Variants in GNG7 observed in about 807,000 individuals in gnomAD.
The protein encoded by GNG7 is G protein subunit gamma 7.
Under a neutral mutation model 4.0 loss-of-function variants are expected in GNG7, and 1 was observed. The observed-to-expected ratio is 0.25, with a 90% CI of 0.09 to 1.18. The LOEUF (loss-of-function observed/expected upper bound fraction) is 1.18, where lower values mean the gene tolerates loss of function less well. GNG7 is among the 50% of genes most tolerant of loss of function. GNG7 has a pLI of 0.50. For missense variants in GNG7, 86 were observed against 91.9 expected, an observed-to-expected ratio of 0.94 and a Z score of 0.26; for synonymous variants, 34 against 36.9, an observed-to-expected ratio of 0.92 and a Z score of 0.29.
At chr19:2,603,912 G>A (rs1484129659) in intron 2 of GNG7, among the ~76,000 whole-genome samples, 1 of 151,850 alleles carries the variant, frequency 6.6e-6, no homozygotes, top group Non-Finnish European at 1.5e-5. Context: ...GTGCAGTGGT[G>A]CAATCTCGGC....
chr19:2,537,138 A>T (rs1372515349), intron 3 of GNG7, among the ~76,000 whole-genome samples: 1 of 146,750 alleles, frequency 6.8e-6, no homozygotes, highest in Non-Finnish European at 1.5e-5. Context: ...TTTAGTAGAG[A>T]CGGGGTTTCA....
chr19:2,623,450 C>T (rs2144834916), intron 2 of GNG7, among the ~76,000 whole-genome samples: 1 of 152,318 alleles, frequency 6.6e-6, no homozygotes, highest in Non-Finnish European at 1.5e-5. Context: ...CGTCCATCAA[C>T]AGATGGACAG....
intron 1 of GNG7, among the ~76,000 whole-genome samples, chr19:2,661,295 A>AAAGG (rs1983156337): frequency 2.2e-5 from 1 of 45,948 alleles, no homozygotes; most frequent in African/African-American, 1.2e-4. Context: ...AGAAAGAAAG[A>AAAGG]AAGAAAGAGA....
At chr19:2,648,563 G>A (rs532088314) in intron 1 of GNG7, among the ~76,000 whole-genome samples, 4 of 152,332 alleles carry the variant, frequency 2.6e-5, no homozygotes, top group African/African-American at 7.2e-5. Flanking sequence ...GCTAGTTTCC[G>A]TTCTACGAGC....
intron 2 of GNG7, among the ~76,000 whole-genome samples, chr19:2,571,191 G>A (rs1477982131): frequency 1.3e-5 from 2 of 152,098 alleles, no homozygotes; most frequent in Non-Finnish European, 2.9e-5. Context: ...GAAGCCTGAC[G>A]ACGCCCAGTG....
chr19:2,588,835 C>T (rs1980755140), intron 2 of GNG7, among the ~76,000 whole-genome samples: 1 of 152,150 alleles, frequency 6.6e-6, no homozygotes, highest in Admixed American at 6.5e-5. Context: ...TCCCCGACTC[C>T]CTTGCTTTGT....
intron 3 of GNG7, among the ~76,000 whole-genome samples, chr19:2,543,828 C>CG (rs1015251120): frequency 8.6e-5 from 13 of 152,036 alleles, no homozygotes; most frequent in Admixed American, 7.9e-4. Flanking sequence ...GAGTCAGCCC[C>CG]GGGGGAAGGT....
At chr19:2,540,511 G>T (rs1978924822) in intron 3 of GNG7, among the ~76,000 whole-genome samples, 1 of 152,210 alleles carries the variant, frequency 6.6e-6, no homozygotes, top group African/African-American at 2.4e-5. Flanking sequence ...AGCCTGTGCA[G>T]AGGGTGGGTG....
chr19:2,686,280 C>T (rs900864977), intron 1 of GNG7, among the ~76,000 whole-genome samples: 1 of 152,124 alleles, frequency 6.6e-6, no homozygotes, highest in African/African-American at 2.4e-5. Flanking sequence ...GCCTCAGCCT[C>T]CCGAGTAGCT....
chr19:2,528,269 TAA>T (rs59084924), intron 3 of GNG7, among the ~76,000 whole-genome samples: 11 of 78,834 alleles, frequency 1.4e-4, no homozygotes, highest in African/African-American at 3.7e-4. Flanking sequence ...AGACCCTGTC[TAA>T]AAAAAAAAAA....
At chr19:2,542,107 C>CTTTTTTTT (rs1175526574) in intron 3 of GNG7, among the ~76,000 whole-genome samples, 6 of 64,570 alleles carry the variant, frequency 9.3e-5, no homozygotes, top group Non-Finnish European at 1.7e-4. Flanking sequence ...GCTGTGTGTT[C>CTTTTTTTT]TTTTTTTTTT....
chr19:2,527,039 T>G (rs1244017173), intron 3 of GNG7, among the ~76,000 whole-genome samples: 1 of 152,040 alleles, frequency 6.6e-6, no homozygotes, highest in African/African-American at 2.4e-5. Flanking sequence ...AGAGACGGGG[T>G]TTCACCATGT....
chr19:2,568,771 CATAA>C lies in GNG7; in HGVS notation c.-77-13587_-77-13584del, dbSNP rs201270140. ...ACACATACACACATACACATATACA[CATAA>C]ATACACATACACACATATACACGCA... On this transcript the variant is annotated intron_variant, in intron 2 of 4. Coordinates refer to ENST00000382159, the MANE Select transcript of GNG7 (RefSeq NM_052847.3). Among the ~76,000 whole-genome samples, 8 of 148,400 alleles carry C rather than the reference CATAA, an allele frequency of 5.4e-5. No homozygotes were observed. The East Asian group carries it at 1.2e-3, about 21-fold the overall frequency.
intron 1 of GNG7, among the ~76,000 whole-genome samples, chr19:2,700,243 G>A (rs1404652804): frequency 6.6e-6 from 1 of 151,608 alleles, no homozygotes; most frequent in Non-Finnish European, 1.5e-5. Flanking sequence ...CTGGGTTCAA[G>A]CGATTCTCCT....
At chr19:2,534,129 G>GA (rs1472620137) in intron 3 of GNG7, among the ~76,000 whole-genome samples, 1 of 152,154 alleles carries the variant, frequency 6.6e-6, no homozygotes, top group South Asian at 2.1e-4. Flanking sequence ...GTCAGCATCT[G>GA]AAAAAATATA....
Position 2,531,072 on chromosome 19 carries a change from G to A in GNG7, c.-37-10347C>T, listed in dbSNP as rs780431327. On this transcript the variant is annotated intron_variant, in intron 3 of 4. Transcript: ENST00000382159. Reference sequence around the variant, plus strand: ...TGGAATCCCAGCACTTTGGGAGACCGAGGCAGGTGGATGACCTGAGGTCGG... The same window carrying A: ...TGGAATCCCAGCACTTTGGGAGACCAAGGCAGGTGGATGACCTGAGGTCGG... 1.1e-4 allele frequency among the ~76,000 whole-genome samples: 16 copies of A among 152,156 alleles called. 1 individual carries two copies. Among genetic ancestry groups the A allele is most frequent in the East Asian group, 5.8e-4 (3 of 5,152 alleles).
intron 2 of GNG7, among the ~76,000 whole-genome samples, chr19:2,606,949 C>T (rs898094102): frequency 1.1e-4 from 17 of 150,636 alleles, no homozygotes; most frequent in Admixed American, 4.0e-4. Context: ...GGCCGGGCAC[C>T]GTGGCTCATG....
rs745799326 is a variant in GNG7 at position 2,682,655 on chromosome 19, C to CA, written c.-135+19990dup. Among the ~76,000 whole-genome samples the CA allele has an allele frequency of 8.8e-3, 566 of 64,084 alleles. 9 individuals carry two copies. The highest frequency in any genetic ancestry group is 0.019 in the African/African-American group (260 of 13,570). The allele number at this position is 64,084 out of a possible 152,430, so 42.0% of individuals were successfully genotyped here. ...TGGGCAACAGGGCGAGACTCCATCT[C>CA]AAAAAAAAAAAAAAAAAAAAAAAAA... is the stretch of plus-strand genomic sequence containing the variant. On this transcript the variant is annotated intron_variant, in intron 1 of 4. Coordinates refer to ENST00000382159, the MANE Select transcript of GNG7 (RefSeq NM_052847.3).
intron 2 of GNG7, among the ~76,000 whole-genome samples, chr19:2,594,405 G>GGAA (rs1980948625): frequency 7.3e-6 from 1 of 136,760 alleles, no homozygotes; most frequent in East Asian, 2.1e-4. Flanking sequence ...GAAAGAAGGA[G>GGAA]GGAAGGAAGG....
Sources: gnomAD v4.1 joint callset for allele counts (sites outside exome capture counted in the v4.1 genomes callset) on GRCh38, gnomAD v4.1.1 for gene constraint, MANE v1.5 for transcripts, NCBI Gene and HGNC (gene_info 2026-07-23, HGNC 2026-07-21) for gene names.